The following SGK1 variants were observed in gnomAD, a reference collection of about 807,000 sequenced individuals.
The protein encoded by SGK1 is serine/threonine-protein kinase Sgk1.
In SGK1, 26 loss-of-function variants were observed where a neutral mutation model predicts 64.2. The ratio of observed to expected loss-of-function variants is 0.40; its 90% CI spans 0.30 to 0.56. The LOEUF (loss-of-function observed/expected upper bound fraction) is 0.56, where lower values mean the gene tolerates loss of function less well. Ranked by LOEUF, SGK1 falls within the 20% of genes least tolerant of loss-of-function variation. The probability of loss-of-function intolerance (pLI) is 0.38; values close to 1 mark genes in which losing one functional copy is unlikely to be tolerated. For missense variants in SGK1, 519 were observed against 645.6 expected, an observed-to-expected ratio of 0.80 and a Z score of 2.12; for synonymous variants, 265 against 239.7, an observed-to-expected ratio of 1.11 and a Z score of -0.98.
intron 3 of SGK1, among the ~76,000 whole-genome samples, chr6:134,175,229 C>T: frequency 6.6e-6 from 1 of 152,200 alleles, no homozygotes; most frequent in African/African-American, 2.4e-5. Flanking sequence ...GTTCGCAGCG[C>T]CGAAGCGCTT....
chr6:134,296,499 A>G (rs1285246170), intron 1 of SGK1, among the ~76,000 whole-genome samples: 1 of 151,966 alleles, frequency 6.6e-6, no homozygotes, highest in Non-Finnish European at 1.5e-5. Context: ...TCACCACTAC[A>G]CTGCCAACAC....
At chr6:134,300,406 C>CG (rs1179783927) in intron 1 of SGK1, among the ~76,000 whole-genome samples, 1 of 151,086 alleles carries the variant, frequency 6.6e-6, no homozygotes, top group Non-Finnish European at 1.5e-5. Flanking sequence ...AGGCGTGTGG[C>CG]GGGCGCCTGT....
intron 1 of SGK1, among the ~76,000 whole-genome samples, chr6:134,300,649 TGGAG>T (rs1777438955): frequency 6.9e-6 from 1 of 145,074 alleles, no homozygotes; most frequent in African/African-American, 2.5e-5. Context: ...TTTTTTTTTT[TGGAG>T]ATGGAGTCTC....
At chr6:134,206,337 TGATATATATATATATATA>T (rs1775768659) in intron 3 of SGK1, among the ~76,000 whole-genome samples, 4 of 111,458 alleles carry the variant, frequency 3.6e-5, no homozygotes, top group African/African-American at 1.5e-4. Context: ...CTGTACCTGA[TGATATATATATATATATA>T]TATATATATA....
At chr6:134,262,648 G>A (rs1309686597) in intron 1 of SGK1, among the ~76,000 whole-genome samples, 3 of 151,970 alleles carry the variant, frequency 2.0e-5, no homozygotes, top group African/African-American at 7.2e-5. Context: ...GCAGTGAGCT[G>A]AGATAGCCCC....
At chr6:134,298,595 G>T in intron 1 of SGK1, 1 of 991,102 alleles carries the variant, frequency 1.0e-6, no homozygotes, top group Non-Finnish European at 1.6e-6. Flanking sequence ...AGCTTGAGGA[G>T]CTGATGCAGG....
chr6:134,211,515 C>A, intron 2 of SGK1: 1 of 158,566 alleles, frequency 6.3e-6, no homozygotes, highest in South Asian at 1.9e-4. Context: ...TCTGCTCCAA[C>A]CAGCATGGTT....
intron 2 of SGK1, among the ~76,000 whole-genome samples, chr6:134,235,155 C>T (rs949726539): frequency 1.3e-5 from 2 of 152,178 alleles, no homozygotes; most frequent in South Asian, 4.1e-4. Context: ...TTGTTCGACA[C>T]AGTAAAGCTA....
chr6:134,171,598 G>A (rs187700248), intron 11 of SGK1, 39 bp downstream of exon 11: 1 of 1,401,632 alleles, frequency 7.1e-7, no homozygotes, highest in Admixed American at 1.7e-5. Flanking sequence ...ATATTGTAGG[G>A]AGCAGGCAGT....
rs1362662659 is a variant in SGK1, at chr6:134,232,461, AAGAAAGAAAGAAAGAAAGAAAG to A, written c.286-25052_286-25031del. Among the ~76,000 whole-genome samples, 28 of 60,934 alleles carry A rather than the reference AAGAAAGAAAGAAAGAAAGAAAG, an allele frequency of 4.6e-4. 1 individual carries two copies. Among genetic ancestry groups the A allele is most frequent in the African/African-American group, 1.3e-3 (25 of 19,272 alleles). The allele number at this position is 60,934 out of a possible 152,430, so 40.0% of individuals were successfully genotyped here. Reference sequence around the variant, plus strand: ...AAAGAAAGAAAGAAAGAAAGAAAGAAAGAAAGAAAGAAAGAAAGAAAGAGAAAGAAAAAGAAAAGAAAGAAGA... The same window carrying A: ...AAAGAAAGAAAGAAAGAAAGAAAGAAAGAAAGAAAAAGAAAAGAAAGAAGA... On this transcript the variant is annotated intron_variant, in intron 2 of 13. Transcript: ENST00000367858.
intron 2 of SGK1, among the ~76,000 whole-genome samples, chr6:134,236,152 A>G (rs1776361872): frequency 1.3e-5 from 2 of 152,220 alleles, no homozygotes; most frequent in South Asian, 4.1e-4. Flanking sequence ...GTCCCAAAAT[A>G]GACTGTGAGT....
At chr6:134,205,094 G>T (rs1254907554) in intron 3 of SGK1, among the ~76,000 whole-genome samples, 1 of 152,110 alleles carries the variant, frequency 6.6e-6, no homozygotes, top group Non-Finnish European at 1.5e-5. Context: ...AGGGCTGCTG[G>T]TCAAGCACCA....
At chr6:134,197,847 ATAAAATAAAATTAAAT>A (rs1775618528) in intron 3 of SGK1, among the ~76,000 whole-genome samples, 1 of 144,574 alleles carries the variant, frequency 6.9e-6, no homozygotes, top group Non-Finnish European at 1.5e-5. Context: ...ATAAAATAAA[ATAAAATAAAATTAAAT>A]TAAAATAAAA....
chr6:134,183,865 C>T (rs1272698845), intron 3 of SGK1, among the ~76,000 whole-genome samples: 1 of 136,318 alleles, frequency 7.3e-6, no homozygotes, highest in Non-Finnish European at 1.6e-5. Context: ...CCCCACCCCC[C>T]ACCCCCGGCA....
chr6:134,266,129 A>G (rs1413385477), intron 1 of SGK1, among the ~76,000 whole-genome samples: 1 of 151,636 alleles, frequency 6.6e-6, no homozygotes, highest in Non-Finnish European at 1.5e-5. Context: ...AATTACAGGC[A>G]CCGTGCCCCC....
chr6:134,308,390 C>G (rs992514518), intron 1 of SGK1, among the ~76,000 whole-genome samples: 1 of 152,044 alleles, frequency 6.6e-6, no homozygotes, highest in Non-Finnish European at 1.5e-5. Flanking sequence ...ATTTGGGGGA[C>G]TTTTCTTTTT....
chr6:134,207,848 T>C (rs1233396083), intron 2 of SGK1, among the ~76,000 whole-genome samples: 1 of 152,246 alleles, frequency 6.6e-6, no homozygotes, highest in African/African-American at 2.4e-5. Context: ...ATGATACTTT[T>C]AGTACATATT....
At chr6:134,302,515 A>C (rs1200705672) in intron 1 of SGK1, among the ~76,000 whole-genome samples, 2 of 152,180 alleles carry the variant, frequency 1.3e-5, no homozygotes, top group African/African-American at 4.8e-5. Flanking sequence ...ATCCCAGAGC[A>C]CAGAGGTTTC....
chr6:134,206,884 C>A (rs9402572), intron 3 of SGK1, among the ~76,000 whole-genome samples: 2,940 of 100,886 alleles, frequency 0.029, 93 homozygotes, highest in East Asian at 0.13. Flanking sequence ...AAAAAAAAAA[C>A]AAAAAAAAAA....
Sources: allele counts gnomAD v4.1 joint callset (sites outside exome capture counted in the v4.1 genomes callset), GRCh38; gene constraint gnomAD v4.1.1; transcripts MANE v1.5; gene names NCBI Gene and HGNC (gene_info 2026-07-23, HGNC 2026-07-21).